Variants in MEMO1 observed in about 807,000 individuals in gnomAD.
The protein encoded by MEMO1 is mediator of cell motility 1.
A neutral mutation model predicts 45.2 loss-of-function variants in MEMO1; 6 were observed. That is an observed-to-expected ratio of 0.13 (90% confidence interval 0.07 to 0.26). The LOEUF (loss-of-function observed/expected upper bound fraction) is 0.26. Ranked by LOEUF, MEMO1 falls within the 10% of genes least tolerant of loss-of-function variation. The pLI is 1.00. For missense variants in MEMO1, 184 were observed against 370.5 expected (o/e 0.50, Z 4.13); for synonymous variants, 78 against 124.3 (o/e 0.63, Z 2.48).
chr2:31,996,719 A>G (rs1216042881), intron 2 of MEMO1, among the ~76,000 whole-genome samples: 1 of 152,152 alleles, frequency 6.6e-6, no homozygotes, highest in Non-Finnish European at 1.5e-5. Context: ...ATTCCACCCC[A>G]TAACTACAGA....
intron 2 of MEMO1, among the ~76,000 whole-genome samples, chr2:32,001,762 G>A (rs577675074): frequency 2.6e-5 from 4 of 152,182 alleles, no homozygotes; most frequent in South Asian, 2.1e-4. Context: ...CCAAGTCTTC[G>A]TTTCTCATCT....
intron 8 of MEMO1, among the ~76,000 whole-genome samples, chr2:31,872,710 T>G (rs1257135340): frequency 1.3e-5 from 2 of 152,118 alleles, no homozygotes; most frequent in Non-Finnish European, 2.9e-5. Flanking sequence ...AGAAATTAAA[T>G]GTACAAAAAT....
chr2:31,945,701 C>T (rs1163463639), intron 2 of MEMO1, among the ~76,000 whole-genome samples: 2 of 152,068 alleles, frequency 1.3e-5, no homozygotes, highest in East Asian at 3.8e-4. Context: ...CCCTTATCTC[C>T]CAGTTTCTGT....
intron 8 of MEMO1, among the ~76,000 whole-genome samples, 186 bp downstream of exon 8, chr2:31,883,200 T>C (rs1485229914): frequency 6.6e-6 from 1 of 152,158 alleles, no homozygotes; most frequent in African/African-American, 2.4e-5. Context: ...AAAATTATGA[T>C]GACGGAAATT....
At chr2:31,910,516 G>T (rs1221286419) in intron 6 of MEMO1, among the ~76,000 whole-genome samples, 1 of 152,152 alleles carries the variant, frequency 6.6e-6, no homozygotes. Flanking sequence ...GGAGAAATTA[G>T]AAAGACCCTC....
chr2:31,897,105 C>G (rs983965020), intron 6 of MEMO1, among the ~76,000 whole-genome samples: 11 of 152,198 alleles, frequency 7.2e-5, no homozygotes, highest in African/African-American at 2.7e-4. Context: ...TGCTTATCAG[C>G]TTAAGGAGAT....
chr2:31,879,433 T>C (rs1675030823), intron 8 of MEMO1, among the ~76,000 whole-genome samples: 1 of 152,208 alleles, frequency 6.6e-6, no homozygotes, highest in Non-Finnish European at 1.5e-5. Flanking sequence ...AGATTGACTC[T>C]CTAAACAATG....
chr2:32,008,600 C>A lies in MEMO1; in HGVS notation c.61+1587G>T, dbSNP rs557614874. 4.1e-3 allele frequency among the ~76,000 whole-genome samples: 621 copies of A among 152,054 alleles called. 2 individuals carry two copies. The highest frequency in any genetic ancestry group is 5.9e-3 in the Non-Finnish European group (401 of 67,974). ...CTCCGTCTAGAGAGGAAAAAAAAAACCACTTCTCTACATGTTTCCCCATAA... is the reference window on the plus strand; with the variant it reads ...CTCCGTCTAGAGAGGAAAAAAAAAAACACTTCTCTACATGTTTCCCCATAA... On this transcript the variant is annotated intron_variant, in intron 2 of 9. Coordinates refer to ENST00000404530, the MANE Select transcript of MEMO1 (RefSeq NM_001301833.4).
chr2:31,999,936 C>G (rs1295532848), intron 2 of MEMO1, among the ~76,000 whole-genome samples: 1 of 145,864 alleles, frequency 6.9e-6, no homozygotes, highest in Non-Finnish European at 1.5e-5. Context: ...CAGGCTGGAG[C>G]GTAGTGGTGA....
intron 3 of MEMO1, among the ~76,000 whole-genome samples, chr2:31,942,669 G>A (rs542375033): frequency 2.6e-5 from 4 of 151,882 alleles, no homozygotes; most frequent in African/African-American, 4.8e-5. Context: ...GACTACAAGC[G>A]TACCATCACA....
rs192678005 is a variant in MEMO1 at position 31,945,333 on chromosome 2, C to T, written c.62-1950G>A. On this transcript the variant is annotated intron_variant, in intron 2 of 9. Coordinates refer to ENST00000404530, the MANE Select transcript of MEMO1 (RefSeq NM_001301833.4). ...AATGTTTCACTATTAATACATAATGCTACAAGTATCCTATGAACATATGTT... is the reference window on the plus strand; with the variant it reads ...AATGTTTCACTATTAATACATAATGTTACAAGTATCCTATGAACATATGTT... 5.1e-3 allele frequency among the ~76,000 whole-genome samples: 782 copies of T among 152,230 alleles called. 2 individuals carry two copies. The highest frequency in any genetic ancestry group is 9.2e-3 in the Non-Finnish European group (624 of 68,006).
At chr2:31,875,074 A>C (rs1674370099) in intron 8 of MEMO1, among the ~76,000 whole-genome samples, 1 of 152,062 alleles carries the variant, frequency 6.6e-6, no homozygotes, top group Admixed American at 6.5e-5. Context: ...CTTATGAGCC[A>C]TTTAAAAATT....
intron 3 of MEMO1, among the ~76,000 whole-genome samples, chr2:31,933,348 A>AAAAAAATATATAT (rs1558514269): frequency 6.2e-5 from 1 of 16,184 alleles, no homozygotes; most frequent in Non-Finnish European, 1.0e-4. Flanking sequence ...AAAAAAAAAA[A>AAAAAAATATATAT]ATTTATATAT....
chr2:31,989,530 G>C (rs1398225272), intron 2 of MEMO1, among the ~76,000 whole-genome samples: 2 of 151,974 alleles, frequency 1.3e-5, no homozygotes, highest in Non-Finnish European at 2.9e-5. Flanking sequence ...ATTCCTGCAA[G>C]GAAAAAAGAT....
chr2:31,997,184 A>G (rs1409600798), intron 2 of MEMO1, among the ~76,000 whole-genome samples: 3 of 152,234 alleles, frequency 2.0e-5, no homozygotes, highest in East Asian at 1.9e-4. Context: ...TCTGAAAACT[A>G]TAACTCAGAC....
In MEMO1 at chr2:31,927,565, G is replaced by GT. The variant is rs2148221864; in HGVS notation, c.212+4501dup. Among the ~76,000 whole-genome samples, 5 of 149,514 alleles carry GT rather than the reference G, an allele frequency of 3.3e-5. No individual in the cohort carries two copies. The South Asian group carries it at 6.3e-4, about 19-fold the overall frequency. On this transcript the variant is annotated intron_variant, in intron 4 of 9. Transcript: ENST00000404530. ...ATGCATAACCAGATATGAAAACATA[G>GT]TTGTCTTTTATTAAGCCAAACATTA...
At chr2:32,003,848 T>C (rs564234885) in intron 2 of MEMO1, among the ~76,000 whole-genome samples, 1 of 152,146 alleles carries the variant, frequency 6.6e-6, no homozygotes, top group South Asian at 2.1e-4. Context: ...GACCAGGAGT[T>C]TGAGACCAGC....
At chr2:31,904,123 G>C (rs1282522092) in intron 6 of MEMO1, among the ~76,000 whole-genome samples, 1 of 152,214 alleles carries the variant, frequency 6.6e-6, no homozygotes, top group African/African-American at 2.4e-5. Context: ...CTGGGAAAGA[G>C]GCATAGGAGC....
At chr2:31,946,976 G>C (rs925347789) in intron 2 of MEMO1, among the ~76,000 whole-genome samples, 1 of 152,116 alleles carries the variant, frequency 6.6e-6, no homozygotes, top group Non-Finnish European at 1.5e-5. Flanking sequence ...CTGTAGCCTA[G>C]GAACAACAGG....
Sources: gnomAD v4.1 joint callset for allele counts (sites outside exome capture counted in the v4.1 genomes callset) on GRCh38, gnomAD v4.1.1 for gene constraint, MANE v1.5 for transcripts, NCBI Gene and HGNC (gene_info 2026-07-23, HGNC 2026-07-21) for gene names.